RBFOX1: variants seen among roughly 807,000 people sequenced by gnomAD.
The protein encoded by RBFOX1 is RNA binding protein fox-1 homolog 1.
Under a neutral mutation model 57.7 loss-of-function variants are expected in RBFOX1, and 8 were observed. That is an observed-to-expected ratio of 0.14 (90% CI 0.08 to 0.25). The LOEUF (loss-of-function observed/expected upper bound fraction) is 0.25, where lower values mean the gene tolerates loss of function less well. Among genes scored for constraint, RBFOX1 ranks in the 10% least tolerant of loss-of-function variants. The probability of loss-of-function intolerance (pLI) is 1.00; values close to 1 mark genes in which losing one functional copy is unlikely to be tolerated. For synonymous variants in RBFOX1, 326 were observed against 222.4 expected (o/e 1.47, Z -4.15); for missense variants, 611 against 548.5 (o/e 1.11, Z -1.14).
At chr16:6,006,992 G>A (rs2094931344) in intron 4 of RBFOX1, among the ~76,000 whole-genome samples, 1 of 152,176 alleles carries the variant, frequency 6.6e-6, no homozygotes, top group South Asian at 2.1e-4. Flanking sequence ...TGGGAATGGG[G>A]ATGTGACAAT....
At chr16:6,512,158 C>A (rs1171559575) in intron 2 of RBFOX1, among the ~76,000 whole-genome samples, 1 of 151,052 alleles carries the variant, frequency 6.6e-6, no homozygotes, top group Non-Finnish European at 1.5e-5. Flanking sequence ...ATGGTGCATG[C>A]CTGTGGTCCC....
At chr16:6,171,279 C>G (rs1379521671) in intron 1 of RBFOX1, among the ~76,000 whole-genome samples, 1 of 152,144 alleles carries the variant, frequency 6.6e-6, no homozygotes, top group Non-Finnish European at 1.5e-5. Flanking sequence ...CAATCTATAA[C>G]ACCAATTTCA....
At chr16:7,680,068 C>T (rs2074347546) in intron 14 of RBFOX1, among the ~76,000 whole-genome samples, 1 of 152,088 alleles carries the variant, frequency 6.6e-6, no homozygotes, top group Admixed American at 6.5e-5. Context: ...GGCAGAGGGG[C>T]CTTTGGTCAT....
chr16:5,545,846 G>T (rs1340534130), intron 2 of RBFOX1, among the ~76,000 whole-genome samples: 1 of 152,036 alleles, frequency 6.6e-6, no homozygotes, highest in African/African-American at 2.4e-5. Context: ...TAAGGCAGGA[G>T]AAATGAATAA....
chr16:5,579,597 G>C (rs1030074133), intron 2 of RBFOX1, among the ~76,000 whole-genome samples: 1 of 152,042 alleles, frequency 6.6e-6, no homozygotes, highest in Non-Finnish European at 1.5e-5. Flanking sequence ...CCACGCCCTG[G>C]TGACCCCGTT....
intron 2 of RBFOX1, among the ~76,000 whole-genome samples, chr16:6,386,280 C>T (rs1432721251): frequency 6.6e-6 from 1 of 152,190 alleles, no homozygotes; most frequent in Non-Finnish European, 1.5e-5. Flanking sequence ...AAACTTACTG[C>T]AGCTTAGTTT....
intron 1 of RBFOX1, among the ~76,000 whole-genome samples, chr16:5,422,467 G>GAA (rs2067366318): frequency 7.6e-6 from 1 of 130,728 alleles, no homozygotes; most frequent in East Asian, 2.5e-4. Context: ...GGAGAGGGAG[G>GAA]GGGAAGAAAG....
At chr16:7,205,970 G>A (rs6500924) in intron 4 of RBFOX1, among the ~76,000 whole-genome samples, 137,373 of 152,322 alleles carry the variant, frequency 0.9, 62,268 homozygotes, top group East Asian at 1. Context: ...TTTGATCTAC[G>A]ACATGATGAG....
intron 1 of RBFOX1, among the ~76,000 whole-genome samples, chr16:5,412,774 C>T (rs190580589): frequency 8.9e-4 from 135 of 152,342 alleles, no homozygotes; most frequent in Admixed American, 3.9e-3. Context: ...CTAATCAGCC[C>T]GCCCTAGGGC....
intron 4 of RBFOX1, among the ~76,000 whole-genome samples, chr16:6,002,263 G>C (rs915754170): frequency 6.6e-6 from 1 of 152,108 alleles, no homozygotes; most frequent in Non-Finnish European, 1.5e-5. Flanking sequence ...AGGCATGAGC[G>C]ACCGCTCGTG....
rs1440992843 is a variant in RBFOX1, at chr16:6,565,099, C to G, written c.-63-89504C>G. On this transcript the variant is annotated intron_variant, in intron 2 of 15. Transcript: ENST00000550418. ...TGAGCAGAGATTGCATCACTGCACT[C>G]CAGCCTGGGTGGGGAGACTCTGTCT... Among the ~76,000 whole-genome samples, 5 of 146,222 alleles carry G rather than the reference C, an allele frequency of 3.4e-5. No individual in the cohort carries two copies. In the Admixed American group the frequency reaches 3.5e-4, roughly 10 times the overall value.
At chr16:7,491,083 C>T (rs1444372384) in intron 4 of RBFOX1, among the ~76,000 whole-genome samples, 1 of 152,126 alleles carries the variant, frequency 6.6e-6, no homozygotes, top group Non-Finnish European at 1.5e-5. Context: ...TCTTACCGTA[C>T]CTGCACCCAC....
chr16:7,701,388 C>T (rs548751780), intron 14 of RBFOX1, among the ~76,000 whole-genome samples: 2 of 152,300 alleles, frequency 1.3e-5, no homozygotes, highest in East Asian at 3.9e-4. Flanking sequence ...CCTGTCTGAC[C>T]AGTGGCAGCA....
intron 3 of RBFOX1, among the ~76,000 whole-genome samples, chr16:5,671,296 G>A (rs1466183709): frequency 2.0e-5 from 3 of 152,246 alleles, no homozygotes; most frequent in Non-Finnish European, 2.9e-5. Flanking sequence ...AGAGCAAGGA[G>A]GCAGGGGGAG....
intron 2 of RBFOX1, among the ~76,000 whole-genome samples, chr16:6,575,037 CAATTAA>C (rs2097408590): frequency 3.2e-5 from 1 of 31,644 alleles, no homozygotes; most frequent in African/African-American, 6.0e-5. Flanking sequence ...GACTCCGTCT[CAATTAA>C]AAAAAAAAAA....
At position 7,553,470 on chromosome 16, in the gene RBFOX1, A is replaced by T. The variant is rs562765565; in HGVS notation, c.271-26307A>T. Among the ~76,000 whole-genome samples, 3 of 152,358 alleles carry T rather than the reference A, an allele frequency of 2.0e-5. No homozygotes were observed. In the East Asian group the frequency reaches 5.8e-4, roughly 29 times the overall value. ...CAGTATCTACAATTTTAAAAGTGGTATACATAGCCTAAGATCTTCCATAAC... is the reference window on the plus strand; with the variant it reads ...CAGTATCTACAATTTTAAAAGTGGTTTACATAGCCTAAGATCTTCCATAAC... On this transcript the variant is annotated intron_variant, in intron 5 of 15. Transcript: ENST00000550418.
chr16:6,628,378 C>T (rs1209796984), intron 2 of RBFOX1, among the ~76,000 whole-genome samples: 2 of 152,146 alleles, frequency 1.3e-5, no homozygotes, highest in Admixed American at 6.5e-5. Flanking sequence ...TTTTGTGGTA[C>T]ATGGACATGC....
chr16:7,689,945 C>G (rs1026899832), intron 14 of RBFOX1, among the ~76,000 whole-genome samples: 1 of 152,060 alleles, frequency 6.6e-6, no homozygotes, highest in South Asian at 2.1e-4. Context: ...TAGTCTAAAA[C>G]CTAAGTAGCT....
At chr16:5,412,971 C>T (rs758479684) in intron 1 of RBFOX1, among the ~76,000 whole-genome samples, 22 of 152,314 alleles carry the variant, frequency 1.4e-4, no homozygotes, top group African/African-American at 4.6e-4. Flanking sequence ...CGCTGAAGGA[C>T]GCAGGTGGGG....
Sources: allele counts gnomAD v4.1 joint callset (sites outside exome capture counted in the v4.1 genomes callset), GRCh38; gene constraint gnomAD v4.1.1; transcripts MANE v1.5; gene names NCBI Gene and HGNC (gene_info 2026-07-23, HGNC 2026-07-21).